ANO5: variants seen among roughly 807,000 people sequenced by gnomAD.
ANO5 encodes the protein anoctamin-5.
Under a neutral mutation model 121.0 loss-of-function variants are expected in ANO5, and 109 were observed. The observed-to-expected ratio is 0.90, with a 90% CI of 0.77 to 1.06. The LOEUF is 1.06. Ranked by LOEUF, ANO5 falls within the 50% of genes least tolerant of loss-of-function variation. The pLI, the probability that ANO5 is intolerant of heterozygous loss-of-function variation, is 0.00. For missense variants in ANO5, 1,064 were observed against 1,078.5 expected (o/e 0.99, Z 0.19); for synonymous variants, 406 against 359.9 (o/e 1.13, Z -1.45).
intron 7 of ANO5, among the ~76,000 whole-genome samples, chr11:22,229,748 T>C (rs1010920797): frequency 6.6e-6 from 1 of 152,018 alleles, no homozygotes; most frequent in African/African-American, 2.4e-5. Flanking sequence ...TACTTGTTCT[T>C]TGTGAACAGT....
intron 8 of ANO5, among the ~76,000 whole-genome samples, chr11:22,239,247 G>A (rs1450452556): frequency 6.6e-6 from 1 of 152,016 alleles, no homozygotes; most frequent in African/African-American, 2.4e-5. Context: ...GTCCTATCCA[G>A]CTGTATAGTG....
chr11:22,234,788 T>C (rs1853159775), intron 7 of ANO5, among the ~76,000 whole-genome samples: 1 of 152,102 alleles, frequency 6.6e-6, no homozygotes, highest in Non-Finnish European at 1.5e-5. Context: ...CACACTTCAC[T>C]TCCTCCAAAT....
At position 22,282,313 on chromosome 11, in the gene ANO5, T is replaced by G. The variant is rs1447060356; in HGVS notation, c.*2548T>G. 1 of 152,218 alleles carries G rather than the reference T, an allele frequency of 6.6e-6. No homozygotes were observed. The highest frequency in any genetic ancestry group is 2.4e-5 in the African/African-American group (1 of 41,454). 9.4% of individuals were successfully genotyped at this position (152,218 alleles called of 1,614,324 possible). A position where few individuals can be genotyped will look rare whatever the true frequency, so the allele number is the denominator to read the frequency against. ...TCATCCTTGCCTTCGTCAACTTTCC[T>G]TTGCACACAGGAAGCAAAATCTACT... On this transcript the variant is annotated 3_prime_UTR_variant, in exon 22 of 22. Coordinates refer to ENST00000324559, the MANE Select transcript of ANO5 (RefSeq NM_213599.3).
chr11:22,250,188 A>T (rs771649955), intron 9 of ANO5, 49 bp from the exon 10 acceptor site: 4 of 1,510,534 alleles, frequency 2.6e-6, no homozygotes, highest in Non-Finnish European at 3.6e-6. Context: ...AAGGCTCCAG[A>T]CTATAACATT....
chr11:22,271,709 A>C (rs1022907761), intron 18 of ANO5, among the ~76,000 whole-genome samples: 2 of 152,228 alleles, frequency 1.3e-5, no homozygotes, highest in African/African-American at 4.8e-5. Flanking sequence ...TTTTGAAACA[A>C]TTCTGCAGAG....
chr11:22,227,397 T>C lies in ANO5; in HGVS notation c.459T>C (p.Ile153=), dbSNP rs1443016969. The C allele has an allele frequency of 6.2e-7, 1 of 1,613,534 alleles. No homozygotes were observed. The highest frequency in any genetic ancestry group is 2.2e-5 in the East Asian group (1 of 44,836). ...AAGTCTTGGGAATCAAAATGCCTAT[T>C]AAGGAGAGTGATATTCCCCGCCCTA... The part of the protein sequence containing the change: ...YAEVLGIKMP[I]KESDIPRPKH... The change falls in exon 7 of 22, where the codon ATT becomes ATC. Residue 153 remains isoleucine (I), a synonymous_variant. Transcript: ENST00000324559.
At chr11:22,256,176 G>T (rs1300680217) in intron 13 of ANO5, among the ~76,000 whole-genome samples, 1 of 152,016 alleles carries the variant, frequency 6.6e-6, no homozygotes, top group African/African-American at 2.4e-5. Flanking sequence ...CTTTTTTCAT[G>T]TGAAAATGGA....
chr11:22,269,479 GA>G (rs1854518986), intron 17 of ANO5, among the ~76,000 whole-genome samples: 1 of 23,440 alleles, frequency 4.3e-5, no homozygotes, highest in East Asian at 3.9e-4. Context: ...AAAAAGAAAA[GA>G]AAGGAAAGAA....
intron 16 of ANO5, among the ~76,000 whole-genome samples, chr11:22,262,525 T>C (rs1854223534): frequency 6.6e-6 from 1 of 152,210 alleles, no homozygotes; most frequent in Non-Finnish European, 1.5e-5. Context: ...CAGTAAAATA[T>C]GAAATATAAA....
intron 1 of ANO5, among the ~76,000 whole-genome samples, chr11:22,196,598 T>C (rs964004110): frequency 5.3e-5 from 8 of 152,008 alleles, no homozygotes; most frequent in African/African-American, 1.9e-4. Context: ...TGGCTGGGTG[T>C]GTTGGCTCAC....
chr11:22,270,279 A>G (rs1214570367), intron 17 of ANO5, 33 bp from the exon 18 acceptor site: 1 of 1,612,950 alleles, frequency 6.2e-7, no homozygotes, highest in African/African-American at 1.3e-5. Flanking sequence ...TTTTGGTCCT[A>G]TTTCATATAT....
At chr11:22,248,696 G>T (rs1853700576) in intron 9 of ANO5, among the ~76,000 whole-genome samples, 1 of 151,832 alleles carries the variant, frequency 6.6e-6, no homozygotes, top group Non-Finnish European at 1.5e-5. Context: ...GAGGGATTTT[G>T]TTTTTTATGC....
chr11:22,229,407 C>T (rs1852958873), intron 7 of ANO5, among the ~76,000 whole-genome samples: 1 of 151,378 alleles, frequency 6.6e-6, no homozygotes, highest in South Asian at 2.1e-4. Context: ...TAAAAATGTT[C>T]TTCCTTTTTT....
In ANO5 at chr11:22,193,106, C is replaced by T. The variant is rs1851697443; in HGVS notation, c.-387C>T. The T allele has an allele frequency of 1.8e-6, 2 of 1,109,002 alleles. No homozygotes were observed. The highest frequency in any genetic ancestry group is 2.2e-6 in the Non-Finnish European group (2 of 902,046). 68.7% of individuals were successfully genotyped at this position (1,109,002 alleles called of 1,614,324 possible). A position where few individuals can be genotyped will look rare whatever the true frequency, so the allele number is the denominator to read the frequency against. The stretch of plus-strand genomic sequence containing the variant: ...GAGTGGAAAGGATCCTGGCGAGCAC[C>T]GGGAGGAGTGGCGGCTGCGGGATCA... On this transcript the variant is annotated 5_prime_UTR_variant, in exon 1 of 22. Transcript: ENST00000324559.
intron 2 of ANO5, among the ~76,000 whole-genome samples, chr11:22,205,894 C>G (rs866709573): frequency 1.1e-4 from 17 of 152,212 alleles, no homozygotes; most frequent in Middle Eastern, 6.8e-3. Flanking sequence ...TCAAGAAGCA[C>G]AAACTACTAT....
chr11:22,253,236 CA>C (rs1853885203), intron 12 of ANO5, among the ~76,000 whole-genome samples: 1 of 152,032 alleles, frequency 6.6e-6, no homozygotes, highest in Non-Finnish European at 1.5e-5. Flanking sequence ...CTTATAATCA[CA>C]AAAGTCCGTA....
At chr11:22,206,999 A>T (rs1455985363) in intron 2 of ANO5, among the ~76,000 whole-genome samples, 3 of 152,102 alleles carry the variant, frequency 2.0e-5, no homozygotes, top group Non-Finnish European at 4.4e-5. Flanking sequence ...TGTACATAGA[A>T]AATCCCAAGA....
chr11:22,251,745 G>A (rs937117012), intron 12 of ANO5, among the ~76,000 whole-genome samples: 37 of 150,372 alleles, frequency 2.5e-4, no homozygotes, highest in African/African-American at 8.7e-4. Context: ...GGGCAAGGGC[G>A]GCCAGGCACG....
chr11:22,249,181 T>C (rs1853718331), intron 9 of ANO5, among the ~76,000 whole-genome samples: 1 of 152,022 alleles, frequency 6.6e-6, no homozygotes, highest in Non-Finnish European at 1.5e-5. Flanking sequence ...AACAGAAAGA[T>C]GCCTATTAAT....
Sources: allele counts gnomAD v4.1 joint callset (sites outside exome capture counted in the v4.1 genomes callset), GRCh38; gene constraint gnomAD v4.1.1; transcripts MANE v1.5; gene names NCBI Gene and HGNC (gene_info 2026-07-23, HGNC 2026-07-21).